Variants in DCBLD1 observed in about 807,000 individuals in gnomAD.
The protein encoded by DCBLD1 is discoidin, CUB and LCCL domain containing 1.
A neutral mutation model predicts 71.5 loss-of-function variants in DCBLD1; 57 were observed. That is an observed-to-expected ratio of 0.80 (90% CI 0.64 to 0.99). DCBLD1 has a LOEUF of 0.99. Ranked by LOEUF, DCBLD1 falls within the 50% of genes least tolerant of loss-of-function variation. The pLI, the probability that DCBLD1 is intolerant of heterozygous loss-of-function variation, is 0.00. For missense variants in DCBLD1, 891 were observed against 923.5 expected (o/e 0.96, Z 0.46); for synonymous variants, 380 against 363.8 (o/e 1.04, Z -0.51).
chr6:117,520,483 C>T (rs2114489008), intron 3 of DCBLD1, among the ~76,000 whole-genome samples: 1 of 152,294 alleles, frequency 6.6e-6, no homozygotes, highest in African/African-American at 2.4e-5. Context: ...CCTCCCCCAT[C>T]CTCCTCCCTA....
At chr6:117,515,134 C>T (rs1778151787) in intron 2 of DCBLD1, among the ~76,000 whole-genome samples, 2 of 151,252 alleles carry the variant, frequency 1.3e-5, no homozygotes, top group Admixed American at 1.3e-4. Context: ...ATTCTCCTGT[C>T]TCAGCCTCCC....
chr6:117,558,283 GC>G (rs1042722578), intron 14 of DCBLD1, among the ~76,000 whole-genome samples: 4 of 152,090 alleles, frequency 2.6e-5, no homozygotes, highest in African/African-American at 9.7e-5. Context: ...CTTGGGAGCT[GC>G]CCCCCTCCAT....
At chr6:117,506,639 G>A (rs537673532) in intron 2 of DCBLD1, among the ~76,000 whole-genome samples, 2 of 152,364 alleles carry the variant, frequency 1.3e-5, no homozygotes, top group Non-Finnish European at 2.9e-5. Context: ...GAAGTGCTTT[G>A]TCTTTCAGTG....
At chr6:117,561,743 A>C (rs2114595550) in intron 14 of DCBLD1, 1 of 206,422 alleles carries the variant, frequency 4.8e-6, no homozygotes, top group South Asian at 1.9e-4. Context: ...CACTTCCATT[A>C]CAAATTAACA....
intron 14 of DCBLD1, 96 bp from the exon 15 acceptor site, chr6:117,547,811 C>A: frequency 1.9e-6 from 3 of 1,544,352 alleles, no homozygotes; most frequent in South Asian, 1.2e-5. Flanking sequence ...GGGGGAAAGT[C>A]AGTCACCACG....
intron 6 of DCBLD1, 84 bp downstream of exon 6, chr6:117,532,477 CA>C: frequency 6.9e-7 from 1 of 1,441,248 alleles, no homozygotes; most frequent in Non-Finnish European, 9.2e-7. Context: ...TTTGAAAAGA[CA>C]GCAGGGATGT....
At chr6:117,487,248 T>C (rs1488566631) in intron 1 of DCBLD1, among the ~76,000 whole-genome samples, 1 of 151,834 alleles carries the variant, frequency 6.6e-6, no homozygotes, top group Admixed American at 6.6e-5. Flanking sequence ...GGGAGCTCAA[T>C]AGGGGATGGG....
At chr6:117,505,912 G>A (rs775710248) in intron 2 of DCBLD1, among the ~76,000 whole-genome samples, 1 of 152,064 alleles carries the variant, frequency 6.6e-6, no homozygotes, top group Non-Finnish European at 1.5e-5. Context: ...CCATTTCTAG[G>A]TTCTTGAGCT....
chr6:117,547,565 T>C (rs1424641848), intron 14 of DCBLD1: 5 of 567,354 alleles, frequency 8.8e-6, no homozygotes, highest in Admixed American at 2.2e-5. Context: ...GCTGTTTTTT[T>C]CTCCATTTCC....
intron 2 of DCBLD1, among the ~76,000 whole-genome samples, chr6:117,505,183 A>C (rs1018083942): frequency 5.9e-5 from 9 of 152,140 alleles, no homozygotes; most frequent in African/African-American, 2.2e-4. Context: ...TTTCCATATA[A>C]TTGTTGGTAA....
Position 117,525,409 on chromosome 6 carries a change from G to A in DCBLD1, c.560G>A (p.Gly187Glu). 1 of 1,512,936 alleles carries A rather than the reference G, an allele frequency of 6.6e-7. No individual in the cohort carries two copies. Among genetic ancestry groups the A allele is most frequent in the Non-Finnish European group, 8.8e-7 (1 of 1,130,018 alleles). The allele number at this position is 1,512,936 out of a possible 1,614,324, so 93.7% of individuals were successfully genotyped here. ...GCRDVAGDISGNMVDGYRDTS... is the reference protein window; with the variant it reads ...GCRDVAGDISENMVDGYRDTS... ...AGAGACGTAGCAGGAGACATTTCTG[G>A]GAATATGGTAGATGGATATAGAGAT... The change falls in exon 5 of 15, where the codon GGG becomes GAG. Residue 187 changes from glycine to glutamate, a missense_variant. By Grantham distance (98) the Gly-to-Glu change is moderately conservative. Transcript: ENST00000338728.
chr6:117,540,913 C>T lies in DCBLD1; in HGVS notation c.1250-5C>T. The T allele has an allele frequency of 6.2e-7, 1 of 1,614,158 alleles. No individual in the cohort carries two copies. The highest frequency in any genetic ancestry group is 8.5e-7 in the Non-Finnish European group (1 of 1,180,040). On this transcript the variant is annotated splice_region_variant and splice_polypyrimidine_tract_variant and intron_variant, in intron 10 of 14. Coordinates refer to ENST00000338728, the MANE Select transcript of DCBLD1 (RefSeq NM_001366458.2). ...GTGGTTTTCCCGACATCCCTCCTCT[C>T]TCAGGTAATGATTCATTGGTGTGGC...
At chr6:117,547,519 C>T (rs761287753) in intron 14 of DCBLD1, 1 of 495,870 alleles carries the variant, frequency 2.0e-6, no homozygotes, top group South Asian at 1.5e-5. Context: ...TACTCTGTGT[C>T]CCTCATACTC....
intron 7 of DCBLD1, among the ~76,000 whole-genome samples, chr6:117,538,062 C>A (rs1778959942): frequency 6.6e-6 from 1 of 152,276 alleles, no homozygotes; most frequent in East Asian, 1.9e-4. Flanking sequence ...TCTCCCTTAG[C>A]ATAAACCGTT....
chr6:117,498,096 T>C (rs1451484858), intron 1 of DCBLD1, among the ~76,000 whole-genome samples: 1 of 152,260 alleles, frequency 6.6e-6, no homozygotes, highest in Non-Finnish European at 1.5e-5. Context: ...TGTTTCCAAA[T>C]GTTCAGAATT....
intron 7 of DCBLD1, 66 bp downstream of exon 7, chr6:117,537,291 T>G: frequency 1.3e-6 from 2 of 1,503,512 alleles, no homozygotes; most frequent in Non-Finnish European, 1.8e-6. Context: ...TCCCAGCACT[T>G]TGGGAGGCCG....
At chr6:117,549,944 A>T, downstream of DCBLD1, 1 of 810,240 alleles carries the variant, frequency 1.2e-6, no homozygotes, top group Non-Finnish European at 1.5e-6. Context: ...CACAGAAGAG[A>T]AGTCTGGCTG....
chr6:117,519,862 C>T lies in DCBLD1; in HGVS notation c.372C>T (p.Asn124=). The T allele has an allele frequency of 6.2e-7, 1 of 1,614,018 alleles. No homozygotes were observed. ...SMTVPKELLL[N]TSEVTVRFES... is the part of the protein sequence containing the mutation. ...CTGTTCCCAAAGAACTCTTGTTGAA[C>T]ACAAGTGAAGTAACCGTCCGCTTTG... Residue 124 remains asparagine (N), a synonymous_variant, in exon 3 of 15, where the codon AAC becomes AAT. Coordinates refer to ENST00000338728, the MANE Select transcript of DCBLD1 (RefSeq NM_001366458.2).
At chr6:117,545,655 G>A in intron 14 of DCBLD1, 58 bp downstream of exon 14, 1 of 1,567,664 alleles carries the variant, frequency 6.4e-7, no homozygotes, top group Non-Finnish European at 8.7e-7. Context: ...TTGTGGGGGA[G>A]GGAGACAGGA....
Sources: allele counts gnomAD v4.1 joint callset (sites outside exome capture counted in the v4.1 genomes callset), GRCh38; gene constraint gnomAD v4.1.1; transcripts MANE v1.5; gene names NCBI Gene and HGNC (gene_info 2026-07-23, HGNC 2026-07-21).